Variants in DRD2 observed in about 807,000 individuals in gnomAD.
DRD2 encodes D(2) dopamine receptor.
DRD2 carries 8 observed loss-of-function variants against 38.0 expected under a neutral mutation model. The observed-to-expected ratio is 0.21, with a 90% CI of 0.12 to 0.38. The LOEUF (loss-of-function observed/expected upper bound fraction) is 0.38, where lower values mean the gene tolerates loss of function less well. Among genes scored for constraint, DRD2 ranks in the 10% least tolerant of loss-of-function variants. The probability of loss-of-function intolerance (pLI) is 1.00; values close to 1 mark genes in which losing one functional copy is unlikely to be tolerated. For synonymous variants in DRD2, 230 were observed against 238.6 expected, an observed-to-expected ratio of 0.96 and a Z score of 0.33; for missense variants, 403 against 607.7, an observed-to-expected ratio of 0.66 and a Z score of 3.54.
intron 1 of DRD2, among the ~76,000 whole-genome samples, chr11:113,456,620 G>A (rs1244530416): frequency 3.9e-5 from 6 of 152,102 alleles, no homozygotes; most frequent in Non-Finnish European, 8.8e-5. Flanking sequence ...GATGAACCTT[G>A]AAGACAGCAT....
intron 1 of DRD2, among the ~76,000 whole-genome samples, chr11:113,440,709 C>T (rs114159077): frequency 0.012 from 1,835 of 152,286 alleles, 47 homozygotes; most frequent in African/African-American, 0.04. Context: ...GATAAGAAAT[C>T]GAGATATTTT....
intron 1 of DRD2, among the ~76,000 whole-genome samples, chr11:113,452,375 T>C (rs1951217231): frequency 6.6e-6 from 1 of 151,968 alleles, no homozygotes; most frequent in Non-Finnish European, 1.5e-5. Flanking sequence ...AAAGCTTGTC[T>C]GAAGTTTAGC....
At chr11:113,462,328 C>T (rs558002110) in intron 1 of DRD2, among the ~76,000 whole-genome samples, 42 of 152,304 alleles carry the variant, frequency 2.8e-4, no homozygotes, top group African/African-American at 8.4e-4. Context: ...CACCCGGAAG[C>T]TCAGAAGGTG....
intron 1 of DRD2, among the ~76,000 whole-genome samples, chr11:113,430,747 C>T (rs1218119587): frequency 6.6e-6 from 1 of 152,182 alleles, no homozygotes; most frequent in Non-Finnish European, 1.5e-5. Context: ...AGTGCTGCTC[C>T]AGTTACGCTG....
intron 1 of DRD2, among the ~76,000 whole-genome samples, chr11:113,459,913 A>G (rs1951302299): frequency 6.6e-6 from 1 of 152,192 alleles, no homozygotes; most frequent in South Asian, 2.1e-4. Flanking sequence ...ATGTACAACT[A>G]TTATGTGTGT....
chr11:113,429,944 G>A (rs990481993), intron 1 of DRD2, among the ~76,000 whole-genome samples: 1 of 152,228 alleles, frequency 6.6e-6, no homozygotes, highest in African/African-American at 2.4e-5. Flanking sequence ...CCTTGAGAAT[G>A]TCAACTTTAA....
At chr11:113,436,722 G>A (rs1342343989) in intron 1 of DRD2, among the ~76,000 whole-genome samples, 1 of 152,132 alleles carries the variant, frequency 6.6e-6, no homozygotes, top group Non-Finnish European at 1.5e-5. Context: ...TTTTAATTTT[G>A]TATATGTTTG....
intron 1 of DRD2, among the ~76,000 whole-genome samples, chr11:113,442,801 A>T (rs1951106651): frequency 6.6e-6 from 1 of 152,304 alleles, no homozygotes; most frequent in East Asian, 1.9e-4. Context: ...TCTTCCTGGC[A>T]TGAGGCAAAT....
At chr11:113,461,623 T>C (rs1351066065) in intron 1 of DRD2, among the ~76,000 whole-genome samples, 1 of 152,212 alleles carries the variant, frequency 6.6e-6, no homozygotes, top group Non-Finnish European at 1.5e-5. Context: ...AGGATTTTAG[T>C]CCTGACTCTG....
At chr11:113,452,463 T>TGC (rs1555167757) in intron 1 of DRD2, among the ~76,000 whole-genome samples, 18 of 89,658 alleles carry the variant, frequency 2.0e-4, no homozygotes, top group East Asian at 5.7e-4. Context: ...TGTGTGTGTG[T>TGC]GTGTGTGCGC....
At chr11:113,436,602 A>G (rs943960224) in intron 1 of DRD2, among the ~76,000 whole-genome samples, 1 of 152,178 alleles carries the variant, frequency 6.6e-6, no homozygotes, top group African/African-American at 2.4e-5. Context: ...CTGTCTGGGA[A>G]TTATATGAAA....
chr11:113,442,701 G>A (rs1044582172), intron 1 of DRD2, among the ~76,000 whole-genome samples: 4 of 152,144 alleles, frequency 2.6e-5, no homozygotes, highest in Admixed American at 6.5e-5. Flanking sequence ...GACTTTCTAC[G>A]ATTGATCATC....
chr11:113,458,845 A>G (rs1392284648), intron 1 of DRD2, among the ~76,000 whole-genome samples: 6 of 152,218 alleles, frequency 3.9e-5, no homozygotes, highest in African/African-American at 1.4e-4. Context: ...ACTATGCACT[A>G]AACACCAAGG....
intron 1 of DRD2, among the ~76,000 whole-genome samples, chr11:113,464,189 G>A (rs1201826718): frequency 2.0e-5 from 3 of 152,076 alleles, no homozygotes. Flanking sequence ...CATGAGCCAC[G>A]GAGGGAGCGG....
chr11:113,418,549 G>A (rs935410652), intron 2 of DRD2, among the ~76,000 whole-genome samples: 9 of 152,132 alleles, frequency 5.9e-5, no homozygotes, highest in Admixed American at 4.6e-4. Flanking sequence ...GCACTTGGGA[G>A]CCTCACAGAC....
intron 1 of DRD2, among the ~76,000 whole-genome samples, chr11:113,469,285 T>C (rs578107632): frequency 6.6e-6 from 1 of 152,310 alleles, no homozygotes; most frequent in Admixed American, 6.5e-5. Flanking sequence ...ACTTCCTCGC[T>C]GGTTCTCAAA....
intron 1 of DRD2, among the ~76,000 whole-genome samples, chr11:113,458,573 G>T (rs1425813233): frequency 2.0e-5 from 3 of 152,188 alleles, no homozygotes; most frequent in African/African-American, 7.2e-5. Flanking sequence ...TACCAGTTTT[G>T]ATCTGGGGGA....
chr11:113,462,999 A>G (rs1315154463), intron 1 of DRD2, among the ~76,000 whole-genome samples: 3 of 152,126 alleles, frequency 2.0e-5, no homozygotes, highest in Non-Finnish European at 4.4e-5. Flanking sequence ...TAAAGACAAT[A>G]GCACAGCATT....
At chr11:113,421,927 C>A (rs1950888401) in intron 2 of DRD2, among the ~76,000 whole-genome samples, 1 of 152,138 alleles carries the variant, frequency 6.6e-6, no homozygotes, top group Admixed American at 6.5e-5. Flanking sequence ...ACCCTCCTCC[C>A]CTGACACACT....
Sources: gnomAD v4.1 joint callset for allele counts (sites outside exome capture counted in the v4.1 genomes callset) on GRCh38, gnomAD v4.1.1 for gene constraint, MANE v1.5 for transcripts, NCBI Gene and HGNC (gene_info 2026-07-23, HGNC 2026-07-21) for gene names.